PTCH1: variants seen among roughly 807,000 people sequenced by gnomAD.
The protein encoded by PTCH1 is patched 1, also known as protein patched homolog 1.
PTCH1 carries 14 observed loss-of-function variants against 144.6 expected under a neutral mutation model. The ratio of observed to expected loss-of-function variants is 0.10; its 90% CI spans 0.06 to 0.15. The LOEUF (loss-of-function observed/expected upper bound fraction) is 0.15. Among genes scored for constraint, PTCH1 ranks in the 10% least tolerant of loss-of-function variants. PTCH1 has a pLI of 1.00. For missense variants in PTCH1, 1,623 were observed against 1,948.3 expected (o/e 0.83, Z 3.14); for synonymous variants, 833 against 793.6 (o/e 1.05, Z -0.83).
At chr9:95,505,126 C>A (rs1394164926) in intron 2 of PTCH1, among the ~76,000 whole-genome samples, 1 of 152,196 alleles carries the variant, frequency 6.6e-6, no homozygotes, top group Non-Finnish European at 1.5e-5. Flanking sequence ...ACTAAATACT[C>A]CAACTCCACC....
chr9:95,505,109 C>T (rs551615016), intron 2 of PTCH1, among the ~76,000 whole-genome samples: 89 of 152,296 alleles, frequency 5.8e-4, no homozygotes, highest in African/African-American at 2.1e-3. Flanking sequence ...TTAATTGTCA[C>T]TTCTCAACTA....
intron 12 of PTCH1, among the ~76,000 whole-genome samples, chr9:95,473,769 C>T (rs1035624438): frequency 1.3e-5 from 2 of 152,110 alleles, no homozygotes; most frequent in African/African-American, 4.8e-5. Context: ...GTCTCGATCT[C>T]CTGACCTCGT....
intron 7 of PTCH1, chr9:95,479,741 T>C (rs1841376795): frequency 9.2e-6 from 6 of 652,960 alleles, no homozygotes; most frequent in East Asian, 5.6e-5. Flanking sequence ...TCAGGAACTA[T>C]GGTCCTGATG....
rs1053166814 is a variant in PTCH1, at chr9:95,496,333, C to T, written c.394+10074G>A. On this transcript the variant is annotated intron_variant, in intron 2 of 23. Coordinates refer to ENST00000331920, the MANE Select transcript of PTCH1 (RefSeq NM_000264.5). ...GGCCCTGAATGGCAAGATTTTTCCA[C>T]GTTGCTGGCTACATTCAGGCCTCAG... is the stretch of plus-strand genomic sequence containing the variant. 5.3e-5 allele frequency among the ~76,000 whole-genome samples: 8 copies of T among 152,204 alleles called. 1 individual carries two copies. The South Asian group carries it at 1.0e-3, about 20-fold the overall frequency.
chr9:95,492,520 G>A (rs938437042), intron 2 of PTCH1, among the ~76,000 whole-genome samples: 3 of 151,898 alleles, frequency 2.0e-5, no homozygotes, highest in African/African-American at 4.8e-5. Context: ...TTAAAATATC[G>A]TATAAAATTC....
Position 95,472,762 on chromosome 9 carries a change from T to A in PTCH1, c.1729-2831A>T, listed in dbSNP as rs115055519. Reference sequence around the variant, plus strand: ...AACCCCAAGCAGCGTCCCATCTTACTGACTTTCTCATAACCTACTACATGT... The same window carrying A: ...AACCCCAAGCAGCGTCCCATCTTACAGACTTTCTCATAACCTACTACATGT... On this transcript the variant is annotated intron_variant, in intron 12 of 23. Transcript: ENST00000331920. Among the ~76,000 whole-genome samples the A allele has an allele frequency of 2.0e-3, 307 of 152,338 alleles. 1 individual carries two copies. Among genetic ancestry groups the A allele is most frequent in the African/African-American group, 7.1e-3 (294 of 41,586 alleles).
rs142866295 is a variant in PTCH1 at position 95,487,408 on chromosome 9, A to G, written c.395-1534T>C. Among the ~76,000 whole-genome samples the G allele has an allele frequency of 6.1e-3, 923 of 152,372 alleles. 5 individuals carry two copies. The highest frequency in any genetic ancestry group is 0.02 in the Middle Eastern group (6 of 294). Reference sequence around the variant, plus strand: ...GTGAAGTTAAGGAAAAATCACAGGAAAACACTGGGAAACAACTTGCACAGA... The same window carrying G: ...GTGAAGTTAAGGAAAAATCACAGGAGAACACTGGGAAACAACTTGCACAGA... On this transcript the variant is annotated intron_variant, in intron 2 of 23. Coordinates refer to ENST00000331920, the MANE Select transcript of PTCH1 (RefSeq NM_000264.5).
chr9:95,444,509 G>GCACACA lies in PTCH1; in HGVS notation c.*1878_*1883dup, dbSNP rs59205702. 6,165 of 149,116 alleles carry GCACACA rather than the reference G, an allele frequency of 0.041. 442 individuals carry two copies. Among genetic ancestry groups the GCACACA allele is most frequent in the African/African-American group, 0.14 (5,848 of 40,746 alleles). 9.2% of individuals were successfully genotyped at this position (149,116 alleles called of 1,614,324 possible). On this transcript the variant is annotated 3_prime_UTR_variant, in exon 24 of 24. Transcript: ENST00000331920. ...CAGAGACACACACACACGCACGCAC[G>GCACACA]CACACACACACACACACACCCAGCA...
rs1843993069 is a variant in PTCH1 at position 95,509,068 on chromosome 9, T to G, written c.-707A>C. On this transcript the variant is annotated 5_prime_UTR_variant, in exon 1 of 24. Transcript: ENST00000331920. ...CTCGGTCCCGGACTCTGCTTTCTTG[T>G]GCTCCTCGGCAACCCGCTGGACCAT... is the stretch of plus-strand genomic sequence containing the variant. Among the ~76,000 whole-genome samples, 1 of 152,004 alleles carries G rather than the reference T, an allele frequency of 6.6e-6. No homozygotes were observed. Among genetic ancestry groups the G allele is most frequent in the African/African-American group, 2.4e-5 (1 of 41,426 alleles).
At position 95,506,614 on chromosome 9, in the gene PTCH1, G is replaced by C; in HGVS notation, c.202-15C>G. 1 of 1,590,402 alleles carries C rather than the reference G, an allele frequency of 6.3e-7. No individual in the cohort carries two copies. The highest frequency in any genetic ancestry group is 8.6e-7 in the Non-Finnish European group (1 of 1,167,640). ...GTAGCCTTCCCCTGGGGACGAAGCAGAAGGGAGGAGTGAGCGCCGGGGAGT... is the reference window on the plus strand; with the variant it reads ...GTAGCCTTCCCCTGGGGACGAAGCACAAGGGAGGAGTGAGCGCCGGGGAGT... On this transcript the variant is annotated splice_polypyrimidine_tract_variant and intron_variant, in intron 1 of 23. Coordinates refer to ENST00000331920, the MANE Select transcript of PTCH1 (RefSeq NM_000264.5).
intron 1 of PTCH1, 150 bp downstream of exon 1, chr9:95,508,011 G>A: frequency 1.3e-6 from 2 of 1,524,910 alleles, no homozygotes; most frequent in South Asian, 1.2e-5. Context: ...ATCCCCATTT[G>A]TCTGCTGCTT....
chr9:95,485,895 T>C lies in PTCH1; in HGVS notation c.395-21A>G, dbSNP rs771371488. The stretch of plus-strand genomic sequence containing the variant: ...TCCAACTGACAAATATGTACAGGTT[T>C]AATTAGAATAGCAAAATCACTGCAA... On this transcript the variant is annotated intron_variant, in intron 2 of 23. Coordinates refer to ENST00000331920, the MANE Select transcript of PTCH1 (RefSeq NM_000264.5). 8.1e-6 allele frequency: 13 copies of C among 1,613,542 alleles called. No homozygotes were observed. In the East Asian group the frequency reaches 2.9e-4, roughly 36 times the overall value.
chr9:95,468,628 C>T (rs576644305), intron 14 of PTCH1, 123 bp downstream of exon 14: 13 of 1,348,378 alleles, frequency 9.6e-6, no homozygotes, highest in African/African-American at 9.1e-5. Flanking sequence ...TGAAATGTAT[C>T]ATACTTAAAC....
At chr9:95,506,350 A>G (rs997187858) in intron 2 of PTCH1, 57 bp downstream of exon 2, 13 of 1,568,406 alleles carry the variant, frequency 8.3e-6, no homozygotes, top group African/African-American at 4.1e-5. Context: ...GAATATCTCT[A>G]TCAACCGCGA....
rs769604946 is a variant in PTCH1 at position 95,479,270 on chromosome 9, CAT to C, written c.1068-125_1068-124del. On this transcript the variant is annotated intron_variant, in intron 7 of 23. Coordinates refer to ENST00000331920, the MANE Select transcript of PTCH1 (RefSeq NM_000264.5). ...CAATTCTTTTCCTTCTCTGTGAGCA[CAT>C]GTTTCCATTAAAATGGGACCAGGAT... The C allele has an allele frequency of 1.8e-4, 225 of 1,241,014 alleles. 1 individual carries two copies. Among genetic ancestry groups the C allele is most frequent in the East Asian group, 7.5e-4 (32 of 42,858 alleles). 76.9% of individuals were successfully genotyped at this position (1,241,014 alleles called of 1,614,324 possible).
At chr9:95,496,759 C>A (rs934056730) in intron 2 of PTCH1, among the ~76,000 whole-genome samples, 1 of 152,082 alleles carries the variant, frequency 6.6e-6, no homozygotes, top group Middle Eastern at 3.2e-3. Flanking sequence ...ATGTGTAAAT[C>A]TCATGAGGAA....
chr9:95,513,887 C>A (rs1844254932), upstream of PTCH1, among the ~76,000 whole-genome samples: 1 of 152,100 alleles, frequency 6.6e-6, no homozygotes, highest in African/African-American at 2.4e-5. Flanking sequence ...CTGCTAATTA[C>A]CCCTGATCTC....
At chr9:95,470,495 G>GT (rs1840468421) in intron 12 of PTCH1, among the ~76,000 whole-genome samples, 2 of 152,168 alleles carry the variant, frequency 1.3e-5, no homozygotes, top group Admixed American at 1.3e-4. Flanking sequence ...GTCAAGGAGA[G>GT]TTAAGCAGAA....
intron 2 of PTCH1, among the ~76,000 whole-genome samples, chr9:95,486,734 C>G (rs537696479): frequency 2.0e-5 from 3 of 152,368 alleles, no homozygotes; most frequent in Admixed American, 2.0e-4. Context: ...AATGCCTTTT[C>G]TCTTCCTCTC....
Sources: gnomAD v4.1 joint callset for allele counts (sites outside exome capture counted in the v4.1 genomes callset) on GRCh38, gnomAD v4.1.1 for gene constraint, MANE v1.5 for transcripts, NCBI Gene and HGNC (gene_info 2026-07-23, HGNC 2026-07-21) for gene names.